Variants in PTCSC3 observed in about 807,000 individuals in gnomAD.
The protein encoded by PTCSC3 is papillary thyroid carcinoma susceptibility candidate 3 (non-protein coding).
chr14:36,158,409 T>C (rs1881876850), intron 2 of PTCSC3, among the ~76,000 whole-genome samples: 1 of 152,208 alleles, frequency 6.6e-6, no homozygotes, highest in African/African-American at 2.4e-5. Flanking sequence ...ATAGCTCTTA[T>C]TATTTTGAGA....
At chr14:36,162,410 G>T (rs2139107592) in intron 2 of PTCSC3, among the ~76,000 whole-genome samples, 1 of 152,254 alleles carries the variant, frequency 6.6e-6, no homozygotes, top group Non-Finnish European at 1.5e-5. Flanking sequence ...CTATGGAAAA[G>T]CATAGTATCT....
Position 36,143,107 on chromosome 14 carries a change from G to A in PTCSC3, n.323-6751C>T, listed in dbSNP as rs1225283417. 3.5e-3 allele frequency among the ~76,000 whole-genome samples: 528 copies of A among 150,602 alleles called. 2 individuals are homozygous for A. The highest frequency in any genetic ancestry group is 0.01 in the African/African-American group (411 of 41,026). ...AGTCTTTGCTATTGTGAATAGTGCCGCAATAAACATACGTGTGCATGTGTC... is the reference window on the plus strand; with the variant it reads ...AGTCTTTGCTATTGTGAATAGTGCCACAATAAACATACGTGTGCATGTGTC... On this transcript the variant is annotated intron_variant and non_coding_transcript_variant, in intron 3 of 3. Coordinates refer to ENST00000556013, the Ensembl canonical transcript of PTCSC3.
chr14:36,162,271 A>AAAAAC (rs1881977975), intron 2 of PTCSC3, among the ~76,000 whole-genome samples: 2 of 145,576 alleles, frequency 1.4e-5, no homozygotes, highest in Non-Finnish European at 3.1e-5. Flanking sequence ...AAAAAAAAAA[A>AAAAAC]AAAAAAAAAA....
chr14:36,153,623 C>T (rs1429440459), intron 3 of PTCSC3, among the ~76,000 whole-genome samples: 1 of 152,108 alleles, frequency 6.6e-6, no homozygotes, highest in Non-Finnish European at 1.5e-5. Context: ...GGTTTACACC[C>T]AACAGAAACG....
chr14:36,138,919 C>A (rs1881351540), intron 3 of PTCSC3, among the ~76,000 whole-genome samples: 1 of 151,926 alleles, frequency 6.6e-6, no homozygotes, highest in African/African-American at 2.4e-5. Flanking sequence ...TCAAAACCAT[C>A]CTGGCTAACA....
intron 3 of PTCSC3, among the ~76,000 whole-genome samples, chr14:36,148,016 C>T (rs1566504667): frequency 6.6e-6 from 1 of 152,168 alleles, no homozygotes; most frequent in African/African-American, 2.4e-5. Flanking sequence ...GGCAGTCTGC[C>T]CATTCTCAGA....
At chr14:36,173,681 G>C (rs1332111886) in intron 1 of PTCSC3, among the ~76,000 whole-genome samples, 3 of 152,008 alleles carry the variant, frequency 2.0e-5, no homozygotes, top group African/African-American at 7.2e-5. Flanking sequence ...TGAAGATGCT[G>C]CCTATCTTAT....
intron 3 of PTCSC3, among the ~76,000 whole-genome samples, chr14:36,139,127 A>G (rs959622225): frequency 6.6e-6 from 1 of 150,806 alleles, no homozygotes; most frequent in Non-Finnish European, 1.5e-5. Context: ...AATAAAAAAA[A>G]AAAAAAAAAA....
intron 3 of PTCSC3, among the ~76,000 whole-genome samples, chr14:36,137,053 G>GAA (rs397852003): frequency 9.0e-6 from 1 of 111,266 alleles, no homozygotes; most frequent in African/African-American, 4.4e-5. Flanking sequence ...AAGTGTTATA[G>GAA]AAAAAAAAGC....
At chr14:36,164,398 A>AATTTC (rs1368842616) in intron 1 of PTCSC3, 6 of 152,202 alleles carry the variant, frequency 3.9e-5, no homozygotes, top group African/African-American at 1.4e-4. Context: ...AATAGATACA[A>AATTTC]ATTTCAGTGT....
chr14:36,160,814 G>A (rs1039470573), intron 2 of PTCSC3, among the ~76,000 whole-genome samples: 7 of 152,160 alleles, frequency 4.6e-5, no homozygotes, highest in African/African-American at 1.7e-4. Flanking sequence ...ATCCTGAAGA[G>A]TGTTTTCCAA....
rs189481288 is a variant in PTCSC3 at position 36,146,384 on chromosome 14, T to A, written n.322+7420A>T. On this transcript the variant is annotated intron_variant and non_coding_transcript_variant, in intron 3 of 3. Coordinates refer to ENST00000556013, the Ensembl canonical transcript of PTCSC3. ...ATATATATTTAGGATAGTTAGCTCT[T>A]CTTGTTGAATTGATCCCTTTACCAT... Among the ~76,000 whole-genome samples, 894 of 150,936 alleles carry A rather than the reference T, an allele frequency of 5.9e-3. 11 individuals carry two copies. Among genetic ancestry groups the A allele is most frequent in the African/African-American group, 0.021 (862 of 41,050 alleles).
intron 1 of PTCSC3, among the ~76,000 whole-genome samples, chr14:36,174,834 G>A (rs940635176): frequency 6.6e-6 from 1 of 152,120 alleles, no homozygotes; most frequent in African/African-American, 2.4e-5. Context: ...GCACTTTGTG[G>A]TGTCTCAGAG....
chr14:36,149,695 A>G (rs995422712), intron 3 of PTCSC3, among the ~76,000 whole-genome samples: 5 of 152,190 alleles, frequency 3.3e-5, no homozygotes, highest in African/African-American at 1.2e-4. Flanking sequence ...TGACACTTTT[A>G]TTAATATATA....
At chr14:36,146,216 T>A (rs1407645283) in intron 3 of PTCSC3, among the ~76,000 whole-genome samples, 3 of 144,464 alleles carry the variant, frequency 2.1e-5, no homozygotes, top group African/African-American at 7.6e-5. Flanking sequence ...CTGGGTATCC[T>A]TGTTAACTTT....
In PTCSC3 at chr14:36,139,510, C is replaced by A. The variant is rs529593866; in HGVS notation, n.323-3154G>T. Among the ~76,000 whole-genome samples the A allele has an allele frequency of 8.0e-4, 122 of 152,234 alleles. No individual in the cohort carries two copies. The South Asian group carries it at 0.012, about 15-fold the overall frequency. On this transcript the variant is annotated intron_variant and non_coding_transcript_variant, in intron 3 of 3. Coordinates refer to ENST00000556013, the Ensembl canonical transcript of PTCSC3. Reference sequence around the variant, plus strand: ...CACCCAGATCTGAGCCACCATCACCCTGCAACTGGATGATTATGAGAGCCT... The same window carrying A: ...CACCCAGATCTGAGCCACCATCACCATGCAACTGGATGATTATGAGAGCCT...
intron 1 of PTCSC3, chr14:36,162,727 G>C (rs1019539919): frequency 3.3e-5 from 5 of 152,236 alleles, no homozygotes; most frequent in Admixed American, 2.6e-4. Context: ...GTCCATGATA[G>C]ATTACCTTGT....
intron 1 of PTCSC3, among the ~76,000 whole-genome samples, chr14:36,166,327 C>T (rs1337822716): frequency 6.6e-6 from 1 of 152,164 alleles, no homozygotes; most frequent in Non-Finnish European, 1.5e-5. Flanking sequence ...ATATTCCTAG[C>T]AGAGTGAAAT....
chr14:36,153,507 A>T (rs1346839406), intron 3 of PTCSC3, among the ~76,000 whole-genome samples: 2 of 152,200 alleles, frequency 1.3e-5, no homozygotes, highest in Non-Finnish European at 2.9e-5. Flanking sequence ...GGAAACTCTC[A>T]CTTACTACTA....
Sources: allele counts gnomAD v4.1 joint callset (sites outside exome capture counted in the v4.1 genomes callset), GRCh38; gene constraint gnomAD v4.1.1; transcripts MANE v1.5; gene names NCBI Gene and HGNC (gene_info 2026-07-23, HGNC 2026-07-21).